The following DCC variants were observed in gnomAD, a reference collection of about 807,000 sequenced individuals.
The protein encoded by DCC is DCC netrin 1 receptor.
DCC carries 58 observed loss-of-function variants against 172.5 expected under a neutral mutation model. The ratio of observed to expected loss-of-function variants is 0.34; its 90% CI spans 0.27 to 0.42. The LOEUF is 0.42. DCC is among the 10% of genes least tolerant of loss of function. DCC has a pLI of 1.00. For synonymous variants in DCC, 709 were observed against 644.5 expected (o/e 1.10, Z -1.52); for missense variants, 1,740 against 1,791.0 (o/e 0.97, Z 0.51).
At chr18:53,060,733 T>A (rs2042482826) in intron 5 of DCC, among the ~76,000 whole-genome samples, 1 of 152,136 alleles carries the variant, frequency 6.6e-6, no homozygotes, top group Non-Finnish European at 1.5e-5. Flanking sequence ...TTGCTTTATT[T>A]AGTTCCATTG....
chr18:53,389,785 G>T (rs1031666386), intron 16 of DCC, among the ~76,000 whole-genome samples: 1 of 152,144 alleles, frequency 6.6e-6, no homozygotes, highest in Non-Finnish European at 1.5e-5. Context: ...GTCATGAATA[G>T]TATACCCATT....
chr18:53,457,643 A>G (rs1372409779), intron 23 of DCC, among the ~76,000 whole-genome samples: 1 of 152,198 alleles, frequency 6.6e-6, no homozygotes, highest in African/African-American at 2.4e-5. Context: ...TGAGTTGCAG[A>G]TCAGTTTGCC....
chr18:52,846,654 T>TACACAC (rs1293504974), intron 2 of DCC, among the ~76,000 whole-genome samples: 4 of 80,926 alleles, frequency 4.9e-5, no homozygotes, highest in East Asian at 5.3e-4. Context: ...CACACACACT[T>TACACAC]GGGGATACTT....
Position 52,340,663 on chromosome 18 carries a change from G to C in DCC, c.-125G>C, listed in dbSNP as rs562417758. On this transcript the variant is annotated 5_prime_UTR_variant, in exon 1 of 29. Transcript: ENST00000442544. ...GGAGAAAGAGGTGGAGGAAGAGGACGAGGAGGAGGAGGAAGCCGAAGGGGC... is the reference window on the plus strand; with the variant it reads ...GGAGAAAGAGGTGGAGGAAGAGGACCAGGAGGAGGAGGAAGCCGAAGGGGC... The C allele has an allele frequency of 3.9e-6, 3 of 773,796 alleles. No individual in the cohort carries two copies. Among genetic ancestry groups the C allele is most frequent in the African/African-American group, 3.4e-5 (2 of 59,006 alleles). The allele number at this position is 773,796 out of a possible 1,614,324, so 47.9% of individuals were successfully genotyped here. A position where few individuals can be genotyped will look rare whatever the true frequency, so the allele number is the denominator to read the frequency against.
chr18:52,475,018 T>C (rs74329330), intron 1 of DCC, among the ~76,000 whole-genome samples: 2,420 of 152,306 alleles, frequency 0.016, 46 homozygotes, highest in East Asian at 0.04. Flanking sequence ...AAAACACAGA[T>C]AAGTTATGTG....
At chr18:53,214,561 T>G (rs2055815408) in intron 11 of DCC, among the ~76,000 whole-genome samples, 1 of 152,162 alleles carries the variant, frequency 6.6e-6, no homozygotes, top group Non-Finnish European at 1.5e-5. Flanking sequence ...ATGTCAAAAA[T>G]GGCCCTTAGA....
chr18:53,504,220 T>C (rs573455971), intron 27 of DCC, among the ~76,000 whole-genome samples: 6 of 152,288 alleles, frequency 3.9e-5, no homozygotes, highest in African/African-American at 1.2e-4. Context: ...CTTAATACAA[T>C]TGCTTTCCCT....
intron 1 of DCC, among the ~76,000 whole-genome samples, chr18:52,675,244 A>G (rs1029513185): frequency 3.3e-5 from 5 of 152,114 alleles, no homozygotes; most frequent in Admixed American, 2.0e-4. Flanking sequence ...TTTTTAGTAG[A>G]GACTAAAATT....
chr18:53,223,649 C>T (rs2055977123), intron 12 of DCC, among the ~76,000 whole-genome samples: 1 of 152,056 alleles, frequency 6.6e-6, no homozygotes, highest in African/African-American at 2.4e-5. Context: ...TAAGTTCAGC[C>T]CTACCAGTAG....
chr18:53,232,144 C>T (rs1042177095), intron 12 of DCC, among the ~76,000 whole-genome samples: 9 of 152,198 alleles, frequency 5.9e-5, no homozygotes, highest in South Asian at 2.1e-4. Flanking sequence ...CTTTCTCTTG[C>T]GGCATGACTT....
intron 8 of DCC, among the ~76,000 whole-genome samples, chr18:53,177,434 G>T (rs1020750618): frequency 3.3e-5 from 5 of 152,172 alleles, no homozygotes; most frequent in Non-Finnish European, 5.9e-5. Context: ...AATACTAGCA[G>T]TGCTAGTTAA....
In DCC at chr18:53,013,117, T is replaced by C. The variant is rs369403468; in HGVS notation, c.986-50188T>C. 2.7e-4 allele frequency among the ~76,000 whole-genome samples: 41 copies of C among 152,146 alleles called. 1 individual carries two copies. The highest frequency in any genetic ancestry group is 9.2e-4 in the Admixed American group (14 of 15,258). ...GAGAAATAAGAACACATTTACAGTG[T>C]TGGTGGGAGTATAAATTAGTTCAAC... is the stretch of plus-strand genomic sequence containing the variant. On this transcript the variant is annotated intron_variant, in intron 5 of 28. Transcript: ENST00000442544.
chr18:52,672,909 A>G (rs1484309162), intron 1 of DCC, among the ~76,000 whole-genome samples: 1 of 152,078 alleles, frequency 6.6e-6, no homozygotes, highest in Non-Finnish European at 1.5e-5. Flanking sequence ...TCTAAAAAAA[A>G]TTAAATTAGC....
chr18:53,452,429 A>G (rs576941923), intron 23 of DCC, among the ~76,000 whole-genome samples: 69 of 152,106 alleles, frequency 4.5e-4, no homozygotes, highest in Non-Finnish European at 9.0e-4. Flanking sequence ...CGAGCATTAG[A>G]TTGACCTGAT....
intron 7 of DCC, among the ~76,000 whole-genome samples, chr18:53,090,555 G>C (rs997122128): frequency 6.6e-6 from 1 of 151,142 alleles, no homozygotes; most frequent in Non-Finnish European, 1.5e-5. Flanking sequence ...TTAGCCAGGT[G>C]TGGTGGCGGG....
At chr18:53,052,404 T>C (rs941619361) in intron 5 of DCC, among the ~76,000 whole-genome samples, 2 of 152,042 alleles carry the variant, frequency 1.3e-5, no homozygotes, top group African/African-American at 4.8e-5. Flanking sequence ...CCATCCCCCC[T>C]TTTTCTTTCA....
At chr18:52,541,643 T>C (rs1391356070) in intron 1 of DCC, among the ~76,000 whole-genome samples, 1 of 151,984 alleles carries the variant, frequency 6.6e-6, no homozygotes, top group Admixed American at 6.6e-5. Flanking sequence ...GCCTTGTTCA[T>C]GGAACAGCGT....
At chr18:53,376,846 C>G (rs974081981) in intron 15 of DCC, among the ~76,000 whole-genome samples, 3 of 152,134 alleles carry the variant, frequency 2.0e-5, no homozygotes, top group African/African-American at 7.2e-5. Flanking sequence ...ATTTAAGAGT[C>G]ACTCTTGATT....
chr18:52,768,899 C>T (rs778102403), intron 2 of DCC, among the ~76,000 whole-genome samples: 18 of 152,106 alleles, frequency 1.2e-4, no homozygotes, highest in Admixed American at 1.1e-3. Context: ...AAGGAAGCAA[C>T]AGAAGAGAAA....
Sources: allele counts gnomAD v4.1 joint callset (sites outside exome capture counted in the v4.1 genomes callset), GRCh38; gene constraint gnomAD v4.1.1; transcripts MANE v1.5; gene names NCBI Gene and HGNC (gene_info 2026-07-23, HGNC 2026-07-21).